Variants in ATG10 observed in about 807,000 individuals in gnomAD.
ATG10 encodes ubiquitin-like-conjugating enzyme ATG10.
ATG10 carries 30 observed loss-of-function variants against 32.1 expected under a neutral mutation model. The observed-to-expected ratio is 0.94, with a 90% confidence interval of 0.70 to 1.27. ATG10 has a LOEUF of 1.27. ATG10 is among the 50% of genes most tolerant of loss of function. ATG10 has a pLI of 0.00. For synonymous variants in ATG10, 87 were observed against 91.5 expected (o/e 0.95, Z 0.28); for missense variants, 233 against 262.3 (o/e 0.89, Z 0.77).
At chr5:82,048,923 A>C (rs1355656301) in intron 2 of ATG10, among the ~76,000 whole-genome samples, 5 of 151,752 alleles carry the variant, frequency 3.3e-5, no homozygotes, top group African/African-American at 1.2e-4. Flanking sequence ...GATGTGGAGA[A>C]ATAGGAACAC....
At chr5:82,009,166 G>C (rs949014015) in intron 2 of ATG10, among the ~76,000 whole-genome samples, 3 of 152,124 alleles carry the variant, frequency 2.0e-5, no homozygotes, top group Non-Finnish European at 4.4e-5. Flanking sequence ...TCTTTCTCCT[G>C]AACAGTGTAG....
rs1326395794 is a variant in ATG10 at position 82,063,645 on chromosome 5, A to G, written c.216+5043A>G. 2.0e-5 allele frequency among the ~76,000 whole-genome samples: 3 copies of G among 152,034 alleles called. No individual in the cohort carries two copies. In the East Asian group the frequency reaches 5.8e-4, roughly 29 times the overall value. ...GTAGCTGGGATTACAGGCACCCATCATCATGCCTGGCTAATTTTTGTATTT... is the reference window on the plus strand; with the variant it reads ...GTAGCTGGGATTACAGGCACCCATCGTCATGCCTGGCTAATTTTTGTATTT... On this transcript the variant is annotated intron_variant, in intron 3 of 7. Transcript: ENST00000282185.
chr5:82,127,235 C>A (rs899495806), intron 3 of ATG10, among the ~76,000 whole-genome samples: 2 of 152,058 alleles, frequency 1.3e-5, no homozygotes, highest in African/African-American at 4.8e-5. Flanking sequence ...AAAACCATCT[C>A]CTGGATTCAT....
At chr5:82,220,962 T>C (rs1448615716) in intron 5 of ATG10, among the ~76,000 whole-genome samples, 1 of 152,118 alleles carries the variant, frequency 6.6e-6, no homozygotes, top group Non-Finnish European at 1.5e-5. Flanking sequence ...TTCACCATAT[T>C]GGCCAGGCTA....
intron 1 of ATG10, among the ~76,000 whole-genome samples, chr5:81,983,962 G>A (rs1171410412): frequency 6.0e-5 from 9 of 150,958 alleles, no homozygotes; most frequent in Non-Finnish European, 7.4e-5. Context: ...GGGAAGAGGC[G>A]CTCCTCACTT....
intron 3 of ATG10, among the ~76,000 whole-genome samples, chr5:82,145,710 CTT>C (rs573735182): frequency 9.8e-5 from 14 of 142,672 alleles, no homozygotes; most frequent in Non-Finnish European, 9.3e-5. Context: ...ACATTATAGT[CTT>C]TTTTTTTTTT....
chr5:82,019,773 A>G (rs1387556395), intron 2 of ATG10, among the ~76,000 whole-genome samples: 3 of 152,200 alleles, frequency 2.0e-5, no homozygotes, highest in Admixed American at 1.3e-4. Flanking sequence ...TGATTTGCTC[A>G]TCTGCTCTTT....
At chr5:81,993,099 A>T (rs1761507508) in intron 2 of ATG10, among the ~76,000 whole-genome samples, 1 of 152,134 alleles carries the variant, frequency 6.6e-6, no homozygotes, top group African/African-American at 2.4e-5. Flanking sequence ...CATGGTCTTC[A>T]CAGTCAGACA....
chr5:82,052,627 T>G (rs1386843589), intron 2 of ATG10, among the ~76,000 whole-genome samples: 1 of 152,218 alleles, frequency 6.6e-6, no homozygotes, highest in African/African-American at 2.4e-5. Flanking sequence ...CTACTTTCCT[T>G]ACTCAAACCT....
intron 5 of ATG10, among the ~76,000 whole-genome samples, chr5:82,199,750 A>G (rs1561353663): frequency 6.6e-6 from 1 of 152,200 alleles, no homozygotes; most frequent in Admixed American, 6.5e-5. Context: ...ACTGACCAAA[A>G]TCAAGATACA....
chr5:82,034,889 C>T (rs72776830), intron 2 of ATG10, among the ~76,000 whole-genome samples: 12,751 of 152,032 alleles, frequency 0.084, 811 homozygotes, highest in African/African-American at 0.18. Flanking sequence ...CTTTCTTACT[C>T]GGATTTATTC....
rs1017789749 is a variant in ATG10, at chr5:82,120,659, G to T, written c.217-43740G>T. Among the ~76,000 whole-genome samples the T allele has an allele frequency of 7.0e-5, 10 of 142,430 alleles. No homozygotes were observed. The East Asian group carries it at 1.0e-3, about 14-fold the overall frequency. The allele number at this position is 142,430 out of a possible 152,430, so 93.4% of individuals were successfully genotyped here. A position where few individuals can be genotyped will look rare whatever the true frequency, so the allele number is the denominator to read the frequency against. ...AGAATCCCTCCTTTTACTTTTTTCTGTTTTTTTTTTAAGCCCCAGCCACTT... is the reference window on the plus strand; with the variant it reads ...AGAATCCCTCCTTTTACTTTTTTCTTTTTTTTTTTTAAGCCCCAGCCACTT... On this transcript the variant is annotated intron_variant, in intron 3 of 7. Transcript: ENST00000282185.
At chr5:82,216,655 G>A (rs1745690246) in intron 5 of ATG10, among the ~76,000 whole-genome samples, 1 of 152,152 alleles carries the variant, frequency 6.6e-6, no homozygotes, top group Non-Finnish European at 1.5e-5. Flanking sequence ...TTATGACCAG[G>A]AAATGTCTTA....
chr5:82,049,953 T>G (rs960323974), intron 2 of ATG10, among the ~76,000 whole-genome samples: 1 of 152,160 alleles, frequency 6.6e-6, no homozygotes, highest in African/African-American at 2.4e-5. Flanking sequence ...AAATAACACA[T>G]GATTTCATTT....
chr5:82,085,603 C>T (rs930066825), intron 3 of ATG10, among the ~76,000 whole-genome samples: 4 of 151,458 alleles, frequency 2.6e-5, no homozygotes, highest in Non-Finnish European at 5.9e-5. Flanking sequence ...CAAACCTGCA[C>T]CTTGTGTCCA....
chr5:82,136,077 G>A (rs1766729666), intron 3 of ATG10, among the ~76,000 whole-genome samples: 1 of 152,096 alleles, frequency 6.6e-6, no homozygotes, highest in South Asian at 2.1e-4. Flanking sequence ...CATTTGCTTG[G>A]TAATTATTCT....
chr5:81,988,150 C>A (rs1761344045), intron 2 of ATG10, among the ~76,000 whole-genome samples: 1 of 151,950 alleles, frequency 6.6e-6, no homozygotes, highest in African/African-American at 2.4e-5. Context: ...AATATTTTTT[C>A]TTTTTTGAGA....
chr5:82,210,099 G>A (rs1745440202), intron 5 of ATG10, among the ~76,000 whole-genome samples: 2 of 152,240 alleles, frequency 1.3e-5, no homozygotes, highest in South Asian at 4.1e-4. Context: ...GTCCATGTCT[G>A]TTAATTCTTT....
chr5:82,149,210 G>T (rs1193702288), intron 3 of ATG10, among the ~76,000 whole-genome samples: 4 of 151,646 alleles, frequency 2.6e-5, no homozygotes, highest in South Asian at 2.1e-4. Flanking sequence ...AGCCCTGGTT[G>T]CCCCCAGTGG....
Sources: gnomAD v4.1 joint callset for allele counts (sites outside exome capture counted in the v4.1 genomes callset) on GRCh38, gnomAD v4.1.1 for gene constraint, MANE v1.5 for transcripts, NCBI Gene and HGNC (gene_info 2026-07-23, HGNC 2026-07-21) for gene names.